Variants in DIAPH3 observed in about 807,000 individuals in gnomAD.
DIAPH3 encodes the protein diaphanous related formin 3, also known as protein diaphanous homolog 3.
Under a neutral mutation model 144.3 loss-of-function variants are expected in DIAPH3, and 117 were observed. The ratio of observed to expected loss-of-function variants is 0.81; its 90% CI spans 0.70 to 0.95. The LOEUF is 0.95. Ranked by LOEUF, DIAPH3 falls within the 40% of genes least tolerant of loss-of-function variation. The pLI, the probability that DIAPH3 is intolerant of heterozygous loss-of-function variation, is 0.00. For missense variants in DIAPH3, 1,421 were observed against 1,412.7 expected (o/e 1.01, Z -0.09); for synonymous variants, 519 against 488.9 (o/e 1.06, Z -0.81).
chr13:59,691,073 AAAG>A (rs1319224175), intron 27 of DIAPH3, among the ~76,000 whole-genome samples: 3 of 152,132 alleles, frequency 2.0e-5, no homozygotes, highest in Admixed American at 6.6e-5. Context: ...GCGGGTAGAA[AAAG>A]AAGCAAATAC....
At chr13:59,802,374 A>G (rs992842373) in intron 25 of DIAPH3, among the ~76,000 whole-genome samples, 4 of 151,982 alleles carry the variant, frequency 2.6e-5, no homozygotes, top group African/African-American at 9.7e-5. Flanking sequence ...ATGCCTAAAG[A>G]TTAAGTTTTC....
chr13:60,104,248 T>C (rs935808950), intron 3 of DIAPH3, among the ~76,000 whole-genome samples: 1 of 152,212 alleles, frequency 6.6e-6, no homozygotes, highest in African/African-American at 2.4e-5. Context: ...TGTCCTTATA[T>C]AAACCTTTAA....
At chr13:59,746,743 G>C (rs1410543174) in intron 27 of DIAPH3, among the ~76,000 whole-genome samples, 1 of 152,164 alleles carries the variant, frequency 6.6e-6, no homozygotes, top group African/African-American at 2.4e-5. Flanking sequence ...CTGGAATGAA[G>C]TTCATAAAAG....
intron 1 of DIAPH3, among the ~76,000 whole-genome samples, chr13:60,149,633 G>C (rs1321093881): frequency 2.6e-5 from 4 of 151,470 alleles, no homozygotes; most frequent in African/African-American, 9.7e-5. Context: ...CGTGCCTGTA[G>C]TCCCAGCTAC....
chr13:60,125,393 A>ACTTTTTTTT (rs2058960818), intron 2 of DIAPH3, among the ~76,000 whole-genome samples: 1 of 86,292 alleles, frequency 1.2e-5, no homozygotes, highest in African/African-American at 4.7e-5. Flanking sequence ...ACACCCAGCT[A>ACTTTTTTTT]ATTTTTTTTT....
In DIAPH3 at chr13:59,823,127, G is replaced by C. The variant is rs574697963; in HGVS notation, c.3027+9980C>G. Among the ~76,000 whole-genome samples the C allele has an allele frequency of 6.6e-5, 10 of 152,226 alleles. No homozygotes were observed. The East Asian group carries it at 1.7e-3, about 26-fold the overall frequency. ...TGTGGAAAAGAAATAAAAATTAGCAGTTATTAGCAGTCATACAGAACCTGG... is the reference window on the plus strand; with the variant it reads ...TGTGGAAAAGAAATAAAAATTAGCACTTATTAGCAGTCATACAGAACCTGG... On this transcript the variant is annotated intron_variant, in intron 24 of 27. Transcript: ENST00000400324.
At chr13:59,847,057 C>T (rs1420691470) in intron 22 of DIAPH3, among the ~76,000 whole-genome samples, 2 of 152,004 alleles carry the variant, frequency 1.3e-5, no homozygotes, top group African/African-American at 4.8e-5. Context: ...CCAACCTGGG[C>T]GACAGAGGGA....
At chr13:60,039,702 A>T (rs996997270) in intron 5 of DIAPH3, among the ~76,000 whole-genome samples, 2 of 152,162 alleles carry the variant, frequency 1.3e-5, no homozygotes, top group African/African-American at 4.8e-5. Context: ...AGACATTTTA[A>T]AAACTTTAAC....
At chr13:60,063,325 G>GT (rs1156793851) in intron 4 of DIAPH3, among the ~76,000 whole-genome samples, 1 of 152,162 alleles carries the variant, frequency 6.6e-6, no homozygotes, top group African/African-American at 2.4e-5. Context: ...ATCTCTTGCT[G>GT]TTTACACCAC....
rs530562171 is a variant in DIAPH3 at position 60,149,162 on chromosome 13, G to A, written c.180+14425C>T. Reference sequence around the variant, plus strand: ...TTTCAGCACCATTACAGGATGGAGCGTGTAAAAAGCAAAACCTTCCTGACA... The same window carrying A: ...TTTCAGCACCATTACAGGATGGAGCATGTAAAAAGCAAAACCTTCCTGACA... On this transcript the variant is annotated intron_variant, in intron 1 of 27. Transcript: ENST00000400324. Among the ~76,000 whole-genome samples the A allele has an allele frequency of 5.8e-4, 88 of 152,266 alleles. 2 individuals are homozygous for A. In the South Asian group the frequency reaches 0.014, roughly 25 times the overall value.
intron 2 of DIAPH3, among the ~76,000 whole-genome samples, chr13:60,119,066 T>A (rs2058768931): frequency 6.6e-6 from 1 of 152,174 alleles, no homozygotes; most frequent in South Asian, 2.1e-4. Context: ...TGGCAGCCCG[T>A]CTCTAAGATG....
chr13:60,076,524 AT>A (rs1468522182), intron 4 of DIAPH3, among the ~76,000 whole-genome samples: 2 of 151,978 alleles, frequency 1.3e-5, no homozygotes, highest in Non-Finnish European at 2.9e-5. Flanking sequence ...GTCATATTTA[AT>A]TTTTCTGTTA....
intron 22 of DIAPH3, among the ~76,000 whole-genome samples, chr13:59,851,174 C>A (rs2042947040): frequency 6.6e-6 from 1 of 152,164 alleles, no homozygotes; most frequent in African/African-American, 2.4e-5. Flanking sequence ...AAAGCTTATC[C>A]ACCATGATCA....
At chr13:59,766,593 G>A (rs945066096) in intron 27 of DIAPH3, among the ~76,000 whole-genome samples, 5 of 151,948 alleles carry the variant, frequency 3.3e-5, no homozygotes, top group South Asian at 2.1e-4. Flanking sequence ...CCCATTCCCC[G>A]GGAACCTAAC....
intron 2 of DIAPH3, among the ~76,000 whole-genome samples, chr13:60,121,677 C>T (rs2058848491): frequency 6.6e-6 from 1 of 152,058 alleles, no homozygotes; most frequent in African/African-American, 2.4e-5. Flanking sequence ...TTCCAAAGGG[C>T]AAAGTAGGAG....
intron 21 of DIAPH3, among the ~76,000 whole-genome samples, chr13:59,867,936 C>T (rs904795005): frequency 1.3e-5 from 2 of 151,932 alleles, no homozygotes; most frequent in East Asian, 1.9e-4. Context: ...ATGCTAAACT[C>T]GGATGATCAA....
intron 27 of DIAPH3, among the ~76,000 whole-genome samples, chr13:59,669,451 C>G (rs997752480): frequency 2.0e-5 from 3 of 152,152 alleles, no homozygotes; most frequent in African/African-American, 4.8e-5. Context: ...CCTGCACGTG[C>G]CTCACCCCTT....
intron 3 of DIAPH3, among the ~76,000 whole-genome samples, chr13:60,098,775 T>C (rs1192109070): frequency 2.0e-5 from 3 of 152,296 alleles, no homozygotes; most frequent in Middle Eastern, 3.4e-3. Flanking sequence ...CAGACACAGA[T>C]TGTAAAACGG....
At chr13:60,008,446 A>G (rs1000447796) in intron 9 of DIAPH3, 98 bp downstream of exon 9, 1 of 749,820 alleles carries the variant, frequency 1.3e-6, no homozygotes, top group Admixed American at 2.4e-5. Flanking sequence ...AAAGGCATGC[A>G]GAGCTTCATA....
Sources: gnomAD v4.1 joint callset for allele counts (sites outside exome capture counted in the v4.1 genomes callset) on GRCh38, gnomAD v4.1.1 for gene constraint, MANE v1.5 for transcripts, NCBI Gene and HGNC (gene_info 2026-07-23, HGNC 2026-07-21) for gene names.